EVI5: variants seen among roughly 807,000 people sequenced by gnomAD.
EVI5 encodes the protein ecotropic viral integration site 5.
A neutral mutation model predicts 112.0 loss-of-function variants in EVI5; 73 were observed. The ratio of observed to expected loss-of-function variants is 0.65; its 90% CI spans 0.54 to 0.79. EVI5 has a LOEUF of 0.79. EVI5 is among the 30% of genes least tolerant of loss of function. The pLI is 0.00. For missense variants in EVI5, 900 were observed against 968.8 expected (o/e 0.93, Z 0.94); for synonymous variants, 305 against 319.9 (o/e 0.95, Z 0.50).
intron 18 of EVI5, among the ~76,000 whole-genome samples, chr1:92,598,705 A>G (rs1648483989): frequency 6.6e-6 from 1 of 152,226 alleles, no homozygotes; most frequent in South Asian, 2.1e-4. Context: ...TTATAGCACA[A>G]CAGTGTAATA....
chr1:92,625,003 A>G (rs1655373823), intron 15 of EVI5, among the ~76,000 whole-genome samples: 1 of 152,180 alleles, frequency 6.6e-6, no homozygotes. Context: ...ATACAGTTCA[A>G]ATTTTTTCTC....
chr1:92,590,643 T>C (rs1673665718), intron 18 of EVI5, among the ~76,000 whole-genome samples: 1 of 152,200 alleles, frequency 6.6e-6, no homozygotes, highest in African/African-American at 2.4e-5. Context: ...CTAATTGGTG[T>C]ACCTGAAAGT....
chr1:92,746,348 T>C (rs745673726), intron 1 of EVI5, among the ~76,000 whole-genome samples: 1 of 152,230 alleles, frequency 6.6e-6, no homozygotes, highest in Non-Finnish European at 1.5e-5. Flanking sequence ...TTGATTAATT[T>C]TGATTGTTAA....
At chr1:92,618,754 T>C (rs1653812003) in intron 16 of EVI5, among the ~76,000 whole-genome samples, 1 of 152,242 alleles carries the variant, frequency 6.6e-6, no homozygotes, top group East Asian at 1.9e-4. Flanking sequence ...TACCACTACG[T>C]GACCAGCTGC....
rs145814180 is a variant in EVI5, at chr1:92,545,690, A to G, written c.2166+17952T>C. 3.9e-3 allele frequency among the ~76,000 whole-genome samples: 597 copies of G among 152,284 alleles called. 12 individuals carry two copies. Among genetic ancestry groups the G allele is most frequent in the Admixed American group, 0.035 (539 of 15,300 alleles). ...TTCCTCGTTTGATTAAAAAAGCTTT[A>G]CTTTCAGCCATTAGATCAATCTCTA... On this transcript the variant is annotated intron_variant, in intron 19 of 19. Transcript: ENST00000684568.
At chr1:92,603,611 A>C (rs1237243310) in intron 18 of EVI5, among the ~76,000 whole-genome samples, 1 of 152,034 alleles carries the variant, frequency 6.6e-6, no homozygotes, top group Non-Finnish European at 1.5e-5. Flanking sequence ...ATAAACTTCC[A>C]ATTTTTTAAA....
intron 2 of EVI5, among the ~76,000 whole-genome samples, chr1:92,709,743 T>A (rs970156753): frequency 1.3e-5 from 2 of 152,178 alleles, no homozygotes; most frequent in Non-Finnish European, 2.9e-5. Context: ...TGTAGAAAAA[T>A]AATTTACGTG....
chr1:92,782,739 C>G (rs1018368277), intron 1 of EVI5, among the ~76,000 whole-genome samples: 22 of 152,164 alleles, frequency 1.4e-4, no homozygotes, highest in African/African-American at 5.3e-4. Context: ...GCCACTCCTA[C>G]GTACATACTC....
At chr1:92,553,297 A>ATTTTT (rs147973775) in intron 19 of EVI5, among the ~76,000 whole-genome samples, 2 of 74,214 alleles carry the variant, frequency 2.7e-5, no homozygotes, top group Admixed American at 2.1e-4. Flanking sequence ...CACCTGGCCA[A>ATTTTT]TTTTTTTTTT....
At chr1:92,707,235 C>T (rs1672164429) in intron 2 of EVI5, among the ~76,000 whole-genome samples, 1 of 143,624 alleles carries the variant, frequency 7.0e-6, no homozygotes, top group African/African-American at 2.6e-5. Context: ...TTGGGGTAGG[C>T]AAAAATTTGT....
At chr1:92,716,743 C>T (rs567864022) in intron 2 of EVI5, among the ~76,000 whole-genome samples, 41 of 151,686 alleles carry the variant, frequency 2.7e-4, no homozygotes, top group African/African-American at 9.7e-4. Context: ...AGACGAATGG[C>T]TAACTAGAAT....
At chr1:92,522,631 CAAAAAA>C (rs61277173) in intron 19 of EVI5, among the ~76,000 whole-genome samples, 7 of 70,486 alleles carry the variant, frequency 9.9e-5, no homozygotes, top group South Asian at 1.5e-3. Flanking sequence ...ACTCCATCTC[CAAAAAA>C]AAAAAAAAAA....
chr1:92,722,238 TTATAC>T (rs1376012846), intron 2 of EVI5, among the ~76,000 whole-genome samples: 1 of 152,156 alleles, frequency 6.6e-6, no homozygotes, highest in Non-Finnish European at 1.5e-5. Context: ...AGTAACTGTA[TTATAC>T]TATAGATCTC....
At chr1:92,546,469 C>T (rs1383029903) in intron 19 of EVI5, among the ~76,000 whole-genome samples, 12 of 152,176 alleles carry the variant, frequency 7.9e-5, no homozygotes, top group Admixed American at 1.3e-4. Flanking sequence ...GAGACCGAGG[C>T]GGGTGGATCA....
chr1:92,520,914 G>GCTT (rs962458743), intron 19 of EVI5, among the ~76,000 whole-genome samples: 5 of 150,494 alleles, frequency 3.3e-5, no homozygotes, highest in Non-Finnish European at 7.4e-5. Flanking sequence ...GTATGAGATT[G>GCTT]CTTCTTCTTC....
intron 13 of EVI5, chr1:92,647,475 A>C (rs1661193634): frequency 6.6e-6 from 3 of 456,050 alleles, no homozygotes; most frequent in Non-Finnish European, 1.2e-5. Flanking sequence ...CACATTTAGG[A>C]TTCTCTTTGC....
Position 92,509,435 on chromosome 1 carries a change from A to C in EVI5, c.*4221T>G, listed in dbSNP as rs1292166533. ...AAACAAACAAACAAACAAACAAACAAAAAAGACGGTGGGGGCAGAAATTGT... is the reference window on the plus strand; with the variant it reads ...AAACAAACAAACAAACAAACAAACACAAAAGACGGTGGGGGCAGAAATTGT... On this transcript the variant is annotated 3_prime_UTR_variant, in exon 20 of 20. Transcript: ENST00000684568. 1 of 153,090 alleles carries C rather than the reference A, an allele frequency of 6.5e-6. No individual in the cohort carries two copies. Among genetic ancestry groups the C allele is most frequent in the Non-Finnish European group, 1.5e-5 (1 of 68,400 alleles). 9.5% of individuals were successfully genotyped at this position (153,090 alleles called of 1,614,324 possible). A position where few individuals can be genotyped will look rare whatever the true frequency, so the allele number is the denominator to read the frequency against.
At chr1:92,552,862 G>A (rs1238290915) in intron 19 of EVI5, among the ~76,000 whole-genome samples, 1 of 151,354 alleles carries the variant, frequency 6.6e-6, no homozygotes, top group Non-Finnish European at 1.5e-5. Flanking sequence ...TTTCTAGGTG[G>A]TTTCCTTATC....
chr1:92,591,622 G>C (rs1036734517), intron 18 of EVI5, among the ~76,000 whole-genome samples: 3 of 152,164 alleles, frequency 2.0e-5, no homozygotes, highest in Non-Finnish European at 2.9e-5. Context: ...CAAGTCCTCA[G>C]AGATCTACAA....
Sources: gnomAD v4.1 joint callset for allele counts (sites outside exome capture counted in the v4.1 genomes callset) on GRCh38, gnomAD v4.1.1 for gene constraint, MANE v1.5 for transcripts, NCBI Gene and HGNC (gene_info 2026-07-23, HGNC 2026-07-21) for gene names.